The following ZFHX3 variants were observed in gnomAD, a reference collection of about 807,000 sequenced individuals.
ZFHX3 encodes zinc finger homeobox 3.
ZFHX3 carries 42 observed loss-of-function variants against 279.1 expected under a neutral mutation model. The observed-to-expected ratio is 0.15, with a 90% CI of 0.12 to 0.19. ZFHX3 has a LOEUF of 0.19. ZFHX3 is among the 10% of genes least tolerant of loss of function. The pLI, the probability that ZFHX3 is intolerant of heterozygous loss-of-function variation, is 1.00. For missense variants in ZFHX3, 4,981 were observed against 4,754.0 expected, an observed-to-expected ratio of 1.05 and a Z score of -1.40; for synonymous variants, 2,293 against 1,957.8, an observed-to-expected ratio of 1.17 and a Z score of -4.52.
chr16:73,830,104 G>A (rs1331589149), intron 1 of ZFHX3, among the ~76,000 whole-genome samples: 5 of 129,386 alleles, frequency 3.9e-5, no homozygotes, highest in African/African-American at 1.2e-4. Flanking sequence ...ATATAGTCTC[G>A]TGGTGCGCCG....
intron 2 of ZFHX3, among the ~76,000 whole-genome samples, chr16:73,629,295 C>T (rs946278574): frequency 6.6e-6 from 1 of 152,086 alleles, no homozygotes. Flanking sequence ...ATCGAGATTG[C>T]CCAGCCTTTT....
chr16:73,105,573 C>A (rs1398089444), intron 7 of ZFHX3, among the ~76,000 whole-genome samples: 9 of 151,566 alleles, frequency 5.9e-5, no homozygotes, highest in Non-Finnish European at 1.0e-4. Context: ...GCCAACATGG[C>A]AAAACCCCAT....
chr16:72,926,210 A>C (rs1959438999), intron 3 of ZFHX3, among the ~76,000 whole-genome samples: 1 of 152,224 alleles, frequency 6.6e-6, no homozygotes, highest in African/African-American at 2.4e-5. Context: ...ATATGCCCTT[A>C]TAGCTAAACT....
In ZFHX3 at chr16:72,811,944, C is replaced by G. The variant is rs140481719; in HGVS notation, c.3624G>C (p.Ser1208=). 1 of 1,613,886 alleles carries G rather than the reference C, an allele frequency of 6.2e-7. No homozygotes were observed. The highest frequency in any genetic ancestry group is 1.3e-5 in the African/African-American group (1 of 74,942). ...FPGSSESPLS[S]KRPKTAEEIK... ...TCTCCTCAGCTGTTTTTGGTCGCTT[C>G]GAAGAGAGGGGAGACTCTGAGCTAC... is the stretch of plus-strand genomic sequence containing the variant. Residue 1208 remains serine (S), a synonymous_variant, in exon 6 of 10, where the codon TCG becomes TCC. Transcript: ENST00000268489.
rs62640008 is a variant in ZFHX3, at chr16:72,958,544, G to T, written c.1602C>A (p.Pro534=). 1.2e-6 allele frequency: 2 copies of T among 1,613,944 alleles called. No homozygotes were observed. The highest frequency in any genetic ancestry group is 1.3e-5 in the African/African-American group (1 of 74,908). The change falls in exon 2 of 10, where the codon CCC becomes CCA. Residue 534 remains proline, a synonymous_variant. Transcript: ENST00000268489. ...ALSNQSISNS[P]LMPNVLQTLS... is the part of the protein sequence containing the mutation. ...GGGTCTGGAGCACGTTAGGCATTAAGGGGGAGTTAGAAATGCTTTGGTTTG... is the reference window on the plus strand; with the variant it reads ...GGGTCTGGAGCACGTTAGGCATTAATGGGGAGTTAGAAATGCTTTGGTTTG...
Position 72,945,015 on chromosome 16 carries a change from T to A in ZFHX3, c.3216+5454A>T, listed in dbSNP as rs553238041. Among the ~76,000 whole-genome samples, 189 of 151,730 alleles carry A rather than the reference T, an allele frequency of 1.2e-3. 1 individual carries two copies. Among genetic ancestry groups the A allele is most frequent in the Admixed American group, 2.7e-3 (41 of 15,218 alleles). On this transcript the variant is annotated intron_variant, in intron 3 of 9. Coordinates refer to ENST00000268489, the MANE Select transcript of ZFHX3 (RefSeq NM_006885.4). ...GTTCCATTATGTGGTGTCTAAAGAG[T>A]GGAGTGAAAAGATATCACTGACCTG...
At chr16:73,777,286 G>A (rs772168317) in intron 1 of ZFHX3, among the ~76,000 whole-genome samples, 4 of 152,058 alleles carry the variant, frequency 2.6e-5, no homozygotes, top group African/African-American at 4.8e-5. Flanking sequence ...GGAGGATCAT[G>A]AGGTCAGGAG....
At chr16:73,019,338 C>CA (rs1350102077) in intron 1 of ZFHX3, among the ~76,000 whole-genome samples, 42 of 115,952 alleles carry the variant, frequency 3.6e-4, no homozygotes, top group Non-Finnish European at 6.0e-4. Flanking sequence ...GTGTGTGTGT[C>CA]TGTGCGTGTG....
intron 3 of ZFHX3, among the ~76,000 whole-genome samples, chr16:73,336,202 G>A (rs2015909378): frequency 6.6e-6 from 1 of 152,156 alleles, no homozygotes; most frequent in Non-Finnish European, 1.5e-5. Context: ...CTGTGCAAAG[G>A]CACTGGGTGT....
chr16:73,608,078 G>GAA (rs796892389), intron 2 of ZFHX3, among the ~76,000 whole-genome samples: 8 of 133,690 alleles, frequency 6.0e-5, no homozygotes, highest in Admixed American at 3.0e-4. Flanking sequence ...TGTCTCAAAA[G>GAA]AAAAAAAAAA....
intron 1 of ZFHX3, among the ~76,000 whole-genome samples, chr16:73,833,226 G>C (rs576130559): frequency 3.3e-5 from 5 of 152,232 alleles, no homozygotes; most frequent in Admixed American, 3.3e-4. Context: ...AGCTGGTCAT[G>C]GTAGTACACA....
intron 3 of ZFHX3, among the ~76,000 whole-genome samples, chr16:73,388,544 G>A (rs1235229293): frequency 1.3e-5 from 2 of 152,186 alleles, no homozygotes; most frequent in African/African-American, 4.8e-5. Flanking sequence ...CCACGGGTAA[G>A]TTGCCAGGGG....
At position 72,795,581 on chromosome 16, in the gene ZFHX3, A is replaced by G. The variant is rs1240538327; in HGVS notation, c.7101T>C (p.Asp2367=). 1.2e-5 allele frequency: 19 copies of G among 1,613,820 alleles called. No homozygotes were observed. The highest frequency in any genetic ancestry group is 1.5e-5 in the Non-Finnish European group (18 of 1,179,978). ...TCAGGATTTCCATGGCATCCATGGA[A>G]TCCTCATTTTGGCTGTCGTCCTGCC... The part of the protein sequence containing the change: ...EEGQDDSQNE[D]SMDAMEILTP... The change falls in exon 9 of 10, where the codon GAT becomes GAC. Residue 2367 remains aspartate (D), a synonymous_variant. Coordinates refer to ENST00000268489, the MANE Select transcript of ZFHX3 (RefSeq NM_006885.4).
chr16:73,329,851 G>A (rs762501176), intron 3 of ZFHX3, among the ~76,000 whole-genome samples: 11 of 152,080 alleles, frequency 7.2e-5, no homozygotes, highest in Admixed American at 1.3e-4. Flanking sequence ...GTGAATTTTC[G>A]GCACGAGTGA....
intron 4 of ZFHX3, among the ~76,000 whole-genome samples, chr16:73,308,817 C>T (rs903596342): frequency 6.7e-6 from 1 of 149,852 alleles, no homozygotes; most frequent in African/African-American, 2.4e-5. Context: ...GACTAAGTTA[C>T]TAAAACATAT....
At chr16:72,967,969 A>G in intron 1 of ZFHX3, among the ~76,000 whole-genome samples, 1 of 150,890 alleles carries the variant, frequency 6.6e-6, no homozygotes, top group Non-Finnish European at 1.5e-5. Flanking sequence ...GATATTTACA[A>G]TCTCAAAGTC....
rs1961362057 is a variant in ZFHX3, at chr16:72,958,245, C to A, written c.1901G>T (p.Cys634Phe). ...GSLCELGVGE[C>F]PSGSGVECPK... Reference sequence around the variant, plus strand: ...GCACTCCACGCCACTCCCCGAGGGGCACTCCCCAACCCCAAGCTCGCAGAG... The same window carrying A: ...GCACTCCACGCCACTCCCCGAGGGGAACTCCCCAACCCCAAGCTCGCAGAG... The change falls in exon 2 of 10, where the codon TGC (cysteine) becomes TTC (phenylalanine). Residue 634 changes from cysteine to phenylalanine, a missense_variant. This residue lies in a region of ZFHX3 where 1,068 missense variants were observed against 935.2 expected (regional missense o/e 1.14). Coordinates refer to ENST00000268489, the MANE Select transcript of ZFHX3 (RefSeq NM_006885.4). The A allele has an allele frequency of 6.2e-7, 1 of 1,613,178 alleles. No homozygotes were observed.
intron 2 of ZFHX3, among the ~76,000 whole-genome samples, chr16:73,669,269 G>A (rs1269167087): frequency 1.3e-5 from 2 of 152,156 alleles, no homozygotes; most frequent in East Asian, 3.9e-4. Flanking sequence ...GGCCAGGCTT[G>A]TCTCAAACTC....
intron 3 of ZFHX3, among the ~76,000 whole-genome samples, chr16:72,906,063 C>G (rs1012635470): frequency 3.9e-5 from 6 of 151,904 alleles, no homozygotes; most frequent in Non-Finnish European, 8.8e-5. Flanking sequence ...CCAGCTACGC[C>G]CAAACTCTGG....
Sources: gnomAD v4.1 joint callset for allele counts (sites outside exome capture counted in the v4.1 genomes callset) on GRCh38, gnomAD v4.1.1 for gene constraint, gnomAD v4.1.1 regional missense constraint, MANE v1.5 for transcripts, NCBI Gene and HGNC (gene_info 2026-07-23, HGNC 2026-07-21) for gene names.